UBR4: variants seen among roughly 807,000 people sequenced by gnomAD.
UBR4 encodes E3 ubiquitin-protein ligase UBR4.
A neutral mutation model predicts 575.6 loss-of-function variants in UBR4; 124 were observed. The ratio of observed to expected loss-of-function variants is 0.22; its 90% confidence interval spans 0.19 to 0.25. The LOEUF (loss-of-function observed/expected upper bound fraction) is 0.25. Among genes scored for constraint, UBR4 ranks in the 10% least tolerant of loss-of-function variants. UBR4 has a pLI of 1.00. For missense variants in UBR4, 4,818 were observed against 6,478.8 expected, an observed-to-expected ratio of 0.74 and a Z score of 8.80; for synonymous variants, 2,455 against 2,473.7, an observed-to-expected ratio of 0.99 and a Z score of 0.22.
chr1:19,128,837 T>C (rs2082104709), intron 61 of UBR4, 141 bp downstream of exon 61: 1 of 708,114 alleles, frequency 1.4e-6, no homozygotes, highest in Non-Finnish European at 2.4e-6. Context: ...GAGCTATAAT[T>C]TGTAGCTCAA....
rs561399133 is a variant in UBR4, at chr1:19,100,335, C to A, written c.13221+41G>T. On this transcript the variant is annotated intron_variant, in intron 89 of 105. Transcript: ENST00000375254. This position sits in a 1 kb window ranked among gnomAD's most constrained non-coding sequence, Gnocchi z 4.2. ...GATTTGGTTAGCCTAGGAGGAAGCCCCTAATCGTAAACGTGGGCAGCACTG... is the reference window on the plus strand; with the variant it reads ...GATTTGGTTAGCCTAGGAGGAAGCCACTAATCGTAAACGTGGGCAGCACTG... 1 of 1,609,870 alleles carries A rather than the reference C, an allele frequency of 6.2e-7. No homozygotes were observed. Among genetic ancestry groups the A allele is most frequent in the African/African-American group, 1.3e-5 (1 of 74,934 alleles).
At chr1:19,125,489 C>G (rs978429341) in intron 64 of UBR4, 1 of 152,148 alleles carries the variant, frequency 6.6e-6, no homozygotes, top group African/African-American at 2.4e-5. Flanking sequence ...ATCCAAAGCT[C>G]GTGCTGGATC....
intron 75 of UBR4, among the ~76,000 whole-genome samples, chr1:19,114,596 C>T (rs2080271387): frequency 1.3e-5 from 2 of 152,244 alleles, no homozygotes; most frequent in Non-Finnish European, 2.9e-5. Context: ...AGTTTCATTA[C>T]CAATCAACAC....
intron 87 of UBR4, among the ~76,000 whole-genome samples, chr1:19,102,993 T>A (rs535688186): frequency 2.0e-5 from 3 of 152,322 alleles, no homozygotes; most frequent in East Asian, 1.9e-4. Context: ...CTGAAAATCC[T>A]GAGGCTCAGA....
In UBR4 at chr1:19,110,473, C is replaced by T. The variant is rs745527678; in HGVS notation, c.11893-9G>A. On this transcript the variant is annotated splice_polypyrimidine_tract_variant and intron_variant, in intron 79 of 105. Transcript: ENST00000375254. This position sits in a 1 kb window ranked among gnomAD's most constrained non-coding sequence, Gnocchi z 4.5. ...TACTGCAGGCTACTTGCCTAGAAGGCAATGGGAAGAGACATGAGTCAAGAG... is the reference window on the plus strand; with the variant it reads ...TACTGCAGGCTACTTGCCTAGAAGGTAATGGGAAGAGACATGAGTCAAGAG... 3 of 1,613,682 alleles carry T rather than the reference C, an allele frequency of 1.9e-6. No individual in the cohort carries two copies. Among genetic ancestry groups the T allele is most frequent in the Non-Finnish European group, 2.5e-6 (3 of 1,179,864 alleles).
rs995323680 is a variant in UBR4, at chr1:19,128,432, T to A, written c.9004-114A>T. On this transcript the variant is annotated intron_variant, in intron 61 of 105. Transcript: ENST00000375254. ...TCCTGACATCCCTATCAATCATAAC[T>A]GTAATCCATTATAGCGTTCTAAATT... 7 of 888,612 alleles carry A rather than the reference T, an allele frequency of 7.9e-6. No homozygotes were observed. In the African/African-American group the frequency reaches 1.2e-4, roughly 15 times the overall value. 55.0% of individuals were successfully genotyped at this position (888,612 alleles called of 1,614,324 possible). A position where few individuals can be genotyped will look rare whatever the true frequency, so the allele number is the denominator to read the frequency against.
chr1:19,173,213 C>A lies in UBR4; in HGVS notation c.3259G>T (p.Val1087Phe). ...TTKCSSVKYD[V>F]EIVEEYFARQ... ...GCGAAGTATTCCTCTACTATTTCAA[C>A]ATCATATTTCACTGAGCTACACTTA... Residue 1087 changes from valine to phenylalanine, a missense_variant, in exon 24 of 106, where the codon GTT becomes TTT. This residue lies in a region of UBR4 where 1,172 missense variants were observed against 1,259.7 expected (regional missense o/e 0.93). Coordinates refer to ENST00000375254, the MANE Select transcript of UBR4 (RefSeq NM_020765.3). The A allele has an allele frequency of 6.2e-7, 1 of 1,614,186 alleles. No homozygotes were observed.
chr1:19,123,160 G>C, intron 65 of UBR4, 100 bp from the exon 66 acceptor site: 1 of 1,320,228 alleles, frequency 7.6e-7, no homozygotes, highest in Non-Finnish European at 1.1e-6. Context: ...GTTATTAAAA[G>C]CTGGGGACAG....
intron 34 of UBR4, 150 bp downstream of exon 34, chr1:19,163,614 T>C: frequency 1.1e-6 from 1 of 907,030 alleles, no homozygotes; most frequent in East Asian, 2.4e-5. Flanking sequence ...AGTTAGCAAC[T>C]ACATATTTCC....
At chr1:19,102,880 A>T (rs2078786093) in intron 87 of UBR4, among the ~76,000 whole-genome samples, 1 of 152,196 alleles carries the variant, frequency 6.6e-6, no homozygotes, top group African/African-American at 2.4e-5. Context: ...GACTTTCCTT[A>T]AACTTTACCA....
At chr1:19,171,332 G>A (rs1249608093) in intron 25 of UBR4, among the ~76,000 whole-genome samples, 1 of 152,160 alleles carries the variant, frequency 6.6e-6, no homozygotes, top group Non-Finnish European at 1.5e-5. Context: ...ATTCCCAGAG[G>A]GCAATGACTT....
At position 19,157,702 on chromosome 1, in the gene UBR4, C is replaced by A; in HGVS notation, c.5760+113G>T. The A allele has an allele frequency of 3.8e-6, 5 of 1,328,452 alleles. No homozygotes were observed. The highest frequency in any genetic ancestry group is 5.1e-6 in the Non-Finnish European group (5 of 974,840). The allele number at this position is 1,328,452 out of a possible 1,614,324, so 82.3% of individuals were successfully genotyped here. ...ATCTGTCCCTGAAGCATTCTTAGAA[C>A]GCAGTGGACTTTTTCCCACAGAGGG... is the stretch of plus-strand genomic sequence containing the variant. On this transcript the variant is annotated intron_variant, in intron 40 of 105. Transcript: ENST00000375254. The surrounding 1 kb of genome is among the most constrained non-coding windows in gnomAD (Gnocchi z 4.4).
chr1:19,149,225 C>T (rs888063390), intron 49 of UBR4, among the ~76,000 whole-genome samples: 1 of 152,124 alleles, frequency 6.6e-6, no homozygotes, highest in Non-Finnish European at 1.5e-5. Context: ...TTAAAGGTAC[C>T]AAGTAACATG....
At chr1:19,184,290 A>G (rs1186141635) in intron 15 of UBR4, 115 bp from the exon 16 acceptor site, 2 of 1,122,172 alleles carry the variant, frequency 1.8e-6, no homozygotes, top group Non-Finnish European at 2.5e-6. Flanking sequence ...CAATAAACAC[A>G]ATGAATGAAA....
At chr1:19,162,990 A>G (rs2087646212) in intron 34 of UBR4, among the ~76,000 whole-genome samples, 2 of 152,214 alleles carry the variant, frequency 1.3e-5, no homozygotes, top group Admixed American at 1.3e-4. Flanking sequence ...TTTTTTAACC[A>G]TTAAGTGAAA....
intron 101 of UBR4, among the ~76,000 whole-genome samples, 184 bp from the exon 102 acceptor site, chr1:19,084,882 C>T (rs911426107): frequency 2.6e-5 from 4 of 152,194 alleles, no homozygotes; most frequent in South Asian, 2.1e-4. Context: ...GGCCATAGGA[C>T]GTTTTCATTT....
At chr1:19,144,606 C>A (rs116422625) in intron 54 of UBR4, among the ~76,000 whole-genome samples, 180 bp downstream of exon 54, 1 of 152,220 alleles carries the variant, frequency 6.6e-6, no homozygotes. Context: ...CTGAGCCCAT[C>A]CCCTTTCCAA....
At position 19,140,861 on chromosome 1, in the gene UBR4, G is replaced by A. The variant is rs1196855157; in HGVS notation, c.8520C>T (p.Ser2840=). 6.2e-6 allele frequency: 10 copies of A among 1,612,020 alleles called. No homozygotes were observed. Among genetic ancestry groups the A allele is most frequent in the Non-Finnish European group, 8.5e-6 (10 of 1,179,742 alleles). ...GSSSSALGLQ[S]LGLSGQAPSS... ...TGGGTGCCTGGCCGGACAGTCCCAG[G>A]CTCTGCAGGCCCAGGGCACTGCTGC... is the stretch of plus-strand genomic sequence containing the variant. Residue 2840 remains serine, a synonymous_variant, in exon 58 of 106, where the codon AGC becomes AGT. Transcript: ENST00000375254.
intron 84 of UBR4, among the ~76,000 whole-genome samples, chr1:19,105,477 C>T (rs1441294732): frequency 6.6e-6 from 1 of 152,228 alleles, no homozygotes; most frequent in Non-Finnish European, 1.5e-5. Flanking sequence ...GCATGCCAAG[C>T]ATTTATGCAC....
Sources: gnomAD v4.1 joint callset for allele counts (sites outside exome capture counted in the v4.1 genomes callset) on GRCh38, gnomAD v4.1.1 for gene constraint, gnomAD v4.1.1 regional missense constraint, Gnocchi (gnomAD v3.1) non-coding constraint, MANE v1.5 for transcripts, NCBI Gene and HGNC (gene_info 2026-07-23, HGNC 2026-07-21) for gene names.